PPP1R9A: variants seen among roughly 807,000 people sequenced by gnomAD.
PPP1R9A encodes the protein neurabin-1.
PPP1R9A carries 59 observed loss-of-function variants against 141.9 expected under a neutral mutation model. The observed-to-expected ratio is 0.42, with a 90% CI of 0.34 to 0.52. The LOEUF (loss-of-function observed/expected upper bound fraction) is 0.52. Among genes scored for constraint, PPP1R9A ranks in the 20% least tolerant of loss-of-function variants. PPP1R9A has a pLI of 0.10. For missense variants in PPP1R9A, 1,444 were observed against 1,611.9 expected (o/e 0.90, Z 1.78); for synonymous variants, 500 against 569.7 (o/e 0.88, Z 1.74).
chr7:95,150,255 C>T (rs1364873113), intron 4 of PPP1R9A, among the ~76,000 whole-genome samples: 3 of 151,908 alleles, frequency 2.0e-5, no homozygotes, highest in Middle Eastern at 3.2e-3. Flanking sequence ...AGCAAAACTC[C>T]TAAATGACAA....
intron 18 of PPP1R9A, among the ~76,000 whole-genome samples, chr7:95,286,775 A>G (rs1805414992): frequency 6.6e-6 from 1 of 152,174 alleles, no homozygotes; most frequent in African/African-American, 2.4e-5. Context: ...TTATTTAAAA[A>G]CAAGGGTCAA....
chr7:95,203,750 G>A lies in PPP1R9A; in HGVS notation c.1956+20G>A. 1 of 1,494,986 alleles carries A rather than the reference G, an allele frequency of 6.7e-7. No individual in the cohort carries two copies. Among genetic ancestry groups the A allele is most frequent in the South Asian group, 1.2e-5 (1 of 82,784 alleles). 92.6% of individuals were successfully genotyped at this position (1,494,986 alleles called of 1,614,324 possible). Reference sequence around the variant, plus strand: ...CTTAAGGTTTGTTTTTTGGTTTAAAGTAATGCTTACCTGTACTTTCCTGCT... The same window carrying A: ...CTTAAGGTTTGTTTTTTGGTTTAAAATAATGCTTACCTGTACTTTCCTGCT... On this transcript the variant is annotated intron_variant, in intron 7 of 19. Transcript: ENST00000433360.
intron 2 of PPP1R9A, among the ~76,000 whole-genome samples, chr7:94,984,370 C>T (rs1800528718): frequency 1.3e-5 from 2 of 152,132 alleles, no homozygotes; most frequent in Non-Finnish European, 2.9e-5. Context: ...AGAATTCTCT[C>T]TTTTTCTATT....
At chr7:95,222,110 G>T (rs1794544327) in intron 7 of PPP1R9A, among the ~76,000 whole-genome samples, 1 of 152,060 alleles carries the variant, frequency 6.6e-6, no homozygotes. Context: ...AAGAGGACAA[G>T]AACTTTGGAG....
chr7:95,206,853 T>C (rs1376557284), intron 7 of PPP1R9A, among the ~76,000 whole-genome samples: 3 of 152,172 alleles, frequency 2.0e-5, no homozygotes, highest in Non-Finnish European at 4.4e-5. Flanking sequence ...AGGGTCCACC[T>C]GATATGGGAT....
chr7:94,946,750 C>A (rs1410223592), intron 2 of PPP1R9A, among the ~76,000 whole-genome samples: 1 of 152,098 alleles, frequency 6.6e-6, no homozygotes, highest in Admixed American at 6.6e-5. Flanking sequence ...TCTGAAGATA[C>A]CACTTCACTG....
At chr7:95,267,601 G>T (rs911611426) in intron 12 of PPP1R9A, among the ~76,000 whole-genome samples, 1 of 152,082 alleles carries the variant, frequency 6.6e-6, no homozygotes, top group Non-Finnish European at 1.5e-5. Context: ...GGTGGTAAGA[G>T]CCAGGCTAAA....
intron 5 of PPP1R9A, among the ~76,000 whole-genome samples, chr7:95,181,381 G>C (rs1398478475): frequency 1.5e-5 from 2 of 133,494 alleles, no homozygotes; most frequent in African/African-American, 5.6e-5. Flanking sequence ...AATATATAGA[G>C]AGAATAGAGA....
At chr7:95,230,100 C>G (rs1795712037) in intron 8 of PPP1R9A, among the ~76,000 whole-genome samples, 3 of 152,130 alleles carry the variant, frequency 2.0e-5, no homozygotes, top group African/African-American at 7.2e-5. Flanking sequence ...AAACCCCATT[C>G]CTAGGGTAAG....
chr7:94,984,748 G>T (rs988568979), intron 2 of PPP1R9A, among the ~76,000 whole-genome samples: 1 of 151,814 alleles, frequency 6.6e-6, no homozygotes, highest in African/African-American at 2.4e-5. Flanking sequence ...CTTGGTAGTG[G>T]TCTATCAATT....
At chr7:95,164,107 A>G (rs964884019) in intron 5 of PPP1R9A, among the ~76,000 whole-genome samples, 3 of 152,178 alleles carry the variant, frequency 2.0e-5, no homozygotes, top group African/African-American at 4.8e-5. Context: ...CATAATTGCT[A>G]TATCATGTGG....
chr7:94,948,943 T>A (rs1205050398), intron 2 of PPP1R9A, among the ~76,000 whole-genome samples: 1 of 152,150 alleles, frequency 6.6e-6, no homozygotes, highest in Non-Finnish European at 1.5e-5. Context: ...TTGCAACCTT[T>A]ATGTTCCTTA....
At chr7:95,111,452 T>A in intron 3 of PPP1R9A, 61 bp downstream of exon 3, 1 of 1,454,162 alleles carries the variant, frequency 6.9e-7, no homozygotes, top group Non-Finnish European at 9.3e-7. Flanking sequence ...CAGAATTATT[T>A]TTCCAAAATG....
rs866092150 is a variant in PPP1R9A, at chr7:95,080,440, G to C, written c.1396-30819G>C. ...AACCACTGCTCAGTGAAATAAAAGA[G>C]GATACAAAGAAATGGAAGAACATTC... On this transcript the variant is annotated intron_variant, in intron 2 of 19. Transcript: ENST00000433360. Among the ~76,000 whole-genome samples, 20 of 152,186 alleles carry C rather than the reference G, an allele frequency of 1.3e-4. No individual in the cohort carries two copies. In the Middle Eastern group the frequency reaches 0.01, roughly 78 times the overall value.
At chr7:94,998,114 T>C (rs958298179) in intron 2 of PPP1R9A, among the ~76,000 whole-genome samples, 1 of 152,202 alleles carries the variant, frequency 6.6e-6, no homozygotes. Context: ...TTTGAATAAA[T>C]ATAACCTGAG....
At chr7:95,049,767 T>G (rs193048234) in intron 2 of PPP1R9A, among the ~76,000 whole-genome samples, 1 of 152,352 alleles carries the variant, frequency 6.6e-6, no homozygotes, top group East Asian at 1.9e-4. Flanking sequence ...TAGTTGGAAT[T>G]TTGTAGTATA....
intron 2 of PPP1R9A, among the ~76,000 whole-genome samples, chr7:94,991,440 T>C (rs1801496745): frequency 6.6e-6 from 1 of 152,154 alleles, no homozygotes; most frequent in African/African-American, 2.4e-5. Context: ...TCCTGTCAGA[T>C]GAATAGTTTG....
At chr7:95,064,838 G>GTA (rs1812733271) in intron 2 of PPP1R9A, among the ~76,000 whole-genome samples, 2 of 152,126 alleles carry the variant, frequency 1.3e-5, no homozygotes, top group Admixed American at 1.3e-4. Context: ...TTTTGATGTG[G>GTA]TATAACATAT....
chr7:95,131,002 ATAAGT>A (rs1205586755), intron 4 of PPP1R9A, among the ~76,000 whole-genome samples: 1 of 152,224 alleles, frequency 6.6e-6, no homozygotes, highest in East Asian at 1.9e-4. Flanking sequence ...TAATGCTGAA[ATAAGT>A]TAAGACTATG....
Sources: gnomAD v4.1 joint callset for allele counts (sites outside exome capture counted in the v4.1 genomes callset) on GRCh38, gnomAD v4.1.1 for gene constraint, MANE v1.5 for transcripts, NCBI Gene and HGNC (gene_info 2026-07-23, HGNC 2026-07-21) for gene names.